Variants in EPHA5 observed in about 807,000 individuals in gnomAD.
The protein encoded by EPHA5 is ephrin type-A receptor 5.
In EPHA5, 60 loss-of-function variants were observed where a neutral mutation model predicts 105.0. The observed-to-expected ratio is 0.57, with a 90% CI of 0.46 to 0.71. EPHA5 has a LOEUF of 0.71. Among genes scored for constraint, EPHA5 ranks in the 30% least tolerant of loss-of-function variants. EPHA5 has a pLI of 0.00. For missense variants in EPHA5, 1,218 were observed against 1,274.7 expected (o/e 0.96, Z 0.68); for synonymous variants, 513 against 449.1 (o/e 1.14, Z -1.80).
intron 3 of EPHA5, among the ~76,000 whole-genome samples, chr4:65,506,829 C>A (rs1427573494): frequency 6.6e-6 from 1 of 150,944 alleles, no homozygotes; most frequent in Non-Finnish European, 1.5e-5. Flanking sequence ...GTTGCCTGTT[C>A]ACTCTGTCTG....
At chr4:65,365,649 C>CGA in intron 10 of EPHA5, among the ~76,000 whole-genome samples, 1 of 64,878 alleles carries the variant, frequency 1.5e-5, no homozygotes, top group Admixed American at 1.9e-4. Context: ...TACAAATTCA[C>CGA]TATATATATA....
intron 5 of EPHA5, among the ~76,000 whole-genome samples, chr4:65,470,167 G>C (rs928257877): frequency 6.6e-6 from 1 of 151,210 alleles, no homozygotes; most frequent in Non-Finnish European, 1.5e-5. Context: ...GAAGAAGTCT[G>C]TGAAGAGTTT....
intron 2 of EPHA5, among the ~76,000 whole-genome samples, chr4:65,633,777 A>G (rs1241300086): frequency 6.6e-6 from 1 of 152,130 alleles, no homozygotes; most frequent in Non-Finnish European, 1.5e-5. Context: ...AGTAGGTAAC[A>G]ATAACTTGTA....
intron 5 of EPHA5, among the ~76,000 whole-genome samples, chr4:65,489,681 A>G (rs966362499): frequency 6.6e-6 from 1 of 152,222 alleles, no homozygotes; most frequent in African/African-American, 2.4e-5. Context: ...GAAGTCTTCC[A>G]TGTTAATTTG....
Position 65,332,074 on chromosome 4 carries a change from T to C in EPHA5, c.2844A>G (p.Ser948=). The C allele has an allele frequency of 2.5e-6, 4 of 1,610,848 alleles. No homozygotes were observed. Among genetic ancestry groups the C allele is most frequent in the Non-Finnish European group, 3.4e-6 (4 of 1,177,776 alleles). ...TGATTGCCTCTAGCCATTCACCTAC[T>C]GATCTGTAGGCCCCAGATCCTAGTG... ...HSPLGSGAYR[S]VGEWLEAIKM... is the part of the protein sequence containing the mutation. The change falls in exon 16 of 17, where the codon TCA becomes TCG. Residue 948 remains serine (S), a synonymous_variant. Coordinates refer to ENST00000613740, the MANE Select transcript of EPHA5 (RefSeq NM_001281766.3).
At chr4:65,465,705 G>A (rs1352827152) in intron 5 of EPHA5, among the ~76,000 whole-genome samples, 6 of 152,092 alleles carry the variant, frequency 3.9e-5, no homozygotes, top group Non-Finnish European at 8.8e-5. Flanking sequence ...GGACTATGTA[G>A]TAGTAGTATC....
intron 11 of EPHA5, among the ~76,000 whole-genome samples, chr4:65,363,285 C>A (rs558406047): frequency 6.6e-6 from 1 of 151,612 alleles, no homozygotes; most frequent in African/African-American, 2.4e-5. Context: ...TAATTAGTGT[C>A]ATCTTCACAA....
chr4:65,388,350 G>C (rs1238582418), intron 8 of EPHA5, among the ~76,000 whole-genome samples: 1 of 151,808 alleles, frequency 6.6e-6, no homozygotes, highest in South Asian at 2.1e-4. Context: ...GGATGGCTGG[G>C]TCAAATGGTA....
In EPHA5 at chr4:65,490,434, C is replaced by G. The variant is rs370633345; in HGVS notation, c.1345G>C (p.Asp449His). 1.2e-6 allele frequency: 2 copies of G among 1,614,088 alleles called. No individual in the cohort carries two copies. The highest frequency in any genetic ancestry group is 1.7e-6 in the Non-Finnish European group (2 of 1,179,998). ...FEIEAVNGVS[D>H]LSPGARQYVS... ...TACTGCCGGGCTCCTGGGCTCAAGTCGGACACTCCATTCACTGCCTCAATC... is the reference window on the plus strand; with the variant it reads ...TACTGCCGGGCTCCTGGGCTCAAGTGGGACACTCCATTCACTGCCTCAATC... The change falls in exon 5 of 17, where the codon GAC (aspartate) becomes CAC (histidine). Residue 449 changes from aspartate (D) to histidine (H), a missense_variant. Around this residue, in one of 3 missense-constraint regions of EPHA5, gnomAD observed 971 missense variants for 1,013.5 expected, o/e 0.96. Coordinates refer to ENST00000613740, the MANE Select transcript of EPHA5 (RefSeq NM_001281766.3).
intron 5 of EPHA5, among the ~76,000 whole-genome samples, chr4:65,430,962 G>A (rs963306167): frequency 5.3e-5 from 8 of 152,036 alleles, no homozygotes; most frequent in Non-Finnish European, 7.4e-5. Flanking sequence ...ATTCTGTGAC[G>A]TGTAATTGTA....
chr4:65,640,643 A>G (rs1227275896), intron 2 of EPHA5, among the ~76,000 whole-genome samples: 2 of 152,146 alleles, frequency 1.3e-5, no homozygotes, highest in African/African-American at 4.8e-5. Flanking sequence ...ATATTTTGTT[A>G]ATCTCAAACC....
chr4:65,403,251 A>T (rs1722024660), intron 8 of EPHA5, among the ~76,000 whole-genome samples: 1 of 152,206 alleles, frequency 6.6e-6, no homozygotes, highest in Non-Finnish European at 1.5e-5. Context: ...TCAGAGCACA[A>T]TATGCAGTAC....
intron 6 of EPHA5, among the ~76,000 whole-genome samples, chr4:65,416,997 T>C (rs1723446907): frequency 6.6e-6 from 1 of 152,252 alleles, no homozygotes; most frequent in Non-Finnish European, 1.5e-5. Flanking sequence ...CCTGCCTTCG[T>C]GCCCCAGCTG....
At chr4:65,331,380 G>C (rs541149362) in intron 16 of EPHA5, 2 of 1,040,916 alleles carry the variant, frequency 1.9e-6, no homozygotes, top group Non-Finnish European at 2.3e-6. Flanking sequence ...TATCTTAAAC[G>C]TGCAAACAGA....
chr4:65,357,530 C>G (rs1723419887), intron 11 of EPHA5, among the ~76,000 whole-genome samples: 1 of 151,266 alleles, frequency 6.6e-6, no homozygotes, highest in South Asian at 2.1e-4. Context: ...AATAAATATT[C>G]TATTTTTATA....
intron 5 of EPHA5, among the ~76,000 whole-genome samples, chr4:65,484,299 T>A (rs1045436873): frequency 3.9e-5 from 6 of 152,174 alleles, no homozygotes; most frequent in African/African-American, 1.4e-4. Context: ...CACTGATCAT[T>A]TCAATATTTT....
intron 5 of EPHA5, among the ~76,000 whole-genome samples, chr4:65,454,828 G>T (rs2149115447): frequency 3.3e-5 from 5 of 152,302 alleles, no homozygotes; most frequent in Admixed American, 3.3e-4. Context: ...CTGAAGAAAT[G>T]GGTTATGAAT....
chr4:65,319,967 C>T lies in EPHA5; in HGVS notation c.*4147G>A. ...CAGTTCCCAGCCTGAATAAACATGA[C>T]ATTTTACCACCTTCAATTTTCTCCA... On this transcript the variant is annotated 3_prime_UTR_variant, in exon 17 of 17. Transcript: ENST00000613740. The T allele has an allele frequency of 4.3e-6, 1 of 230,020 alleles. No homozygotes were observed. The highest frequency in any genetic ancestry group is 8.6e-6 in the Non-Finnish European group (1 of 116,022). The allele number at this position is 230,020 out of a possible 1,614,324, so 14.2% of individuals were successfully genotyped here. A position where few individuals can be genotyped will look rare whatever the true frequency, so the allele number is the denominator to read the frequency against.
intron 3 of EPHA5, among the ~76,000 whole-genome samples, chr4:65,503,039 C>T (rs1732649471): frequency 6.6e-6 from 1 of 151,796 alleles, no homozygotes; most frequent in African/African-American, 2.4e-5. Context: ...AACATATTCT[C>T]ACTTATAAGT....
Sources: allele counts gnomAD v4.1 joint callset (sites outside exome capture counted in the v4.1 genomes callset), GRCh38; gene constraint gnomAD v4.1.1; regional missense constraint gnomAD v4.1.1; transcripts MANE v1.5; gene names NCBI Gene and HGNC (gene_info 2026-07-23, HGNC 2026-07-21).